The following GRM7 variants were observed in gnomAD, a reference collection of about 807,000 sequenced individuals.
GRM7 encodes the protein glutamate metabotropic receptor 7, also known as metabotropic glutamate receptor 7.
In GRM7, 35 loss-of-function variants were observed where a neutral mutation model predicts 84.5. The ratio of observed to expected loss-of-function variants is 0.41; its 90% confidence interval spans 0.32 to 0.55. GRM7 has a LOEUF of 0.55. Ranked by LOEUF, GRM7 falls within the 20% of genes least tolerant of loss-of-function variation. GRM7 has a pLI of 0.19. For synonymous variants in GRM7, 487 were observed against 455.1 expected, an observed-to-expected ratio of 1.07 and a Z score of -0.89; for missense variants, 1,003 against 1,194.6, an observed-to-expected ratio of 0.84 and a Z score of 2.36.
intron 9 of GRM7, among the ~76,000 whole-genome samples, chr3:7,718,819 C>T (rs1701846330): frequency 6.6e-6 from 1 of 152,158 alleles, no homozygotes; most frequent in African/African-American, 2.4e-5. Flanking sequence ...TCAGACGTCA[C>T]TGCCTCTAGA....
chr3:7,714,055 G>GT, intron 9 of GRM7, among the ~76,000 whole-genome samples: 1 of 151,946 alleles, frequency 6.6e-6, no homozygotes. Context: ...TTCTGTTTTT[G>GT]TTTTTGAGTT....
intron 4 of GRM7, among the ~76,000 whole-genome samples, chr3:7,375,493 C>T (rs1314258758): frequency 2.6e-5 from 4 of 152,142 alleles, no homozygotes; most frequent in Admixed American, 2.6e-4. Flanking sequence ...GCTGGGATTA[C>T]AGGCGTGAGC....
intron 8 of GRM7, among the ~76,000 whole-genome samples, chr3:7,629,897 A>G (rs1427339694): frequency 6.6e-6 from 1 of 152,204 alleles, no homozygotes; most frequent in Non-Finnish European, 1.5e-5. Context: ...TATTCCCAGA[A>G]CAGATAGCTA....
At chr3:7,541,304 A>G (rs1692872880) in intron 7 of GRM7, among the ~76,000 whole-genome samples, 1 of 152,228 alleles carries the variant, frequency 6.6e-6, no homozygotes, top group Non-Finnish European at 1.5e-5. Context: ...TAAGAAGAAT[A>G]GAAATTTGGA....
intron 4 of GRM7, among the ~76,000 whole-genome samples, chr3:7,307,048 AC>A (rs901468373): frequency 6.6e-6 from 1 of 151,902 alleles, no homozygotes; most frequent in African/African-American, 2.4e-5. Context: ...AAGTACAAGA[AC>A]CCTTTCCCCC....
intron 9 of GRM7, among the ~76,000 whole-genome samples, chr3:7,729,855 G>GCA (rs1702249823): frequency 7.4e-6 from 1 of 134,248 alleles, no homozygotes; most frequent in African/African-American, 2.8e-5. Flanking sequence ...ACAGGTGCAT[G>GCA]CCACCACCTC....
intron 1 of GRM7, among the ~76,000 whole-genome samples, chr3:6,946,048 A>G (rs1698066867): frequency 6.6e-6 from 1 of 152,118 alleles, no homozygotes; most frequent in East Asian, 1.9e-4. Context: ...TGCTGTGCAG[A>G]AGCTCTTTAG....
At chr3:7,567,031 A>G (rs191768943) in intron 7 of GRM7, among the ~76,000 whole-genome samples, 7 of 152,326 alleles carry the variant, frequency 4.6e-5, no homozygotes, top group Admixed American at 2.0e-4. Flanking sequence ...GAGAACTACA[A>G]TGAAATCCGT....
chr3:7,540,291 C>T (rs145235472), intron 7 of GRM7, among the ~76,000 whole-genome samples: 221 of 152,244 alleles, frequency 1.5e-3, no homozygotes, highest in African/African-American at 5.1e-3. Context: ...ATGTTCACAG[C>T]ACCATTATTT....
intron 1 of GRM7, among the ~76,000 whole-genome samples, chr3:6,966,390 A>T (rs1687064612): frequency 6.6e-6 from 1 of 152,182 alleles, no homozygotes; most frequent in South Asian, 2.1e-4. Context: ...TACTTCTGAG[A>T]TCTTCTAAGC....
intron 1 of GRM7, among the ~76,000 whole-genome samples, chr3:7,080,051 A>G (rs955744509): frequency 7.2e-5 from 11 of 152,156 alleles, no homozygotes; most frequent in Admixed American, 2.6e-4. Context: ...CCTTTTAAAA[A>G]GAATTTCTCT....
At chr3:7,633,004 A>T (rs1464869588) in intron 8 of GRM7, among the ~76,000 whole-genome samples, 1 of 152,258 alleles carries the variant, frequency 6.6e-6, no homozygotes, top group Non-Finnish European at 1.5e-5. Flanking sequence ...CCTAAAGGAA[A>T]TGTGTCCGAA....
chr3:7,381,634 C>A (rs904826434), intron 4 of GRM7, among the ~76,000 whole-genome samples: 5 of 152,206 alleles, frequency 3.3e-5, no homozygotes, highest in African/African-American at 1.2e-4. Flanking sequence ...CCTCTATGAG[C>A]CTCCATTTCC....
intron 1 of GRM7, among the ~76,000 whole-genome samples, chr3:7,036,620 A>G (rs993909): frequency 0.42 from 63,355 of 151,748 alleles, 14,196 homozygotes; most frequent in South Asian, 0.58. Context: ...ATTTTATTTC[A>G]CGTGGGTTTT....
At chr3:7,226,342 C>T (rs1164374146) in intron 2 of GRM7, among the ~76,000 whole-genome samples, 2 of 152,066 alleles carry the variant, frequency 1.3e-5, no homozygotes, top group East Asian at 3.9e-4. Flanking sequence ...AGGTTGCTGG[C>T]AAAATTTATT....
At chr3:7,224,299 A>C (rs926189346) in intron 2 of GRM7, among the ~76,000 whole-genome samples, 1 of 152,144 alleles carries the variant, frequency 6.6e-6, no homozygotes, top group African/African-American at 2.4e-5. Flanking sequence ...GGTGCTATAC[A>C]CTTTTAAACA....
chr3:7,217,213 A>G (rs1696644411), intron 2 of GRM7, among the ~76,000 whole-genome samples: 1 of 152,220 alleles, frequency 6.6e-6, no homozygotes, highest in Non-Finnish European at 1.5e-5. Context: ...GGAATTACAA[A>G]TGGGCCACCA....
intron 7 of GRM7, among the ~76,000 whole-genome samples, chr3:7,570,372 G>A (rs1440560640): frequency 1.3e-5 from 2 of 152,172 alleles, no homozygotes; most frequent in Admixed American, 1.3e-4. Flanking sequence ...AAAAAAGTTA[G>A]TTACTTCGTA....
intron 2 of GRM7, among the ~76,000 whole-genome samples, chr3:7,265,535 GA>G (rs1698604891): frequency 6.6e-6 from 1 of 152,148 alleles, no homozygotes; most frequent in Admixed American, 6.6e-5. Context: ...CTGTCATCCA[GA>G]GGTGTTTGGT....
Sources: allele counts gnomAD v4.1 joint callset (sites outside exome capture counted in the v4.1 genomes callset), GRCh38; gene constraint gnomAD v4.1.1; transcripts MANE v1.5; gene names NCBI Gene and HGNC (gene_info 2026-07-23, HGNC 2026-07-21).